HTT: variants seen among roughly 807,000 people sequenced by gnomAD.
HTT encodes the protein huntingtin, also known as huntington disease protein.
HTT carries 104 observed loss-of-function variants against 362.3 expected under a neutral mutation model. The observed-to-expected ratio is 0.29, with a 90% CI of 0.24 to 0.34. The LOEUF (loss-of-function observed/expected upper bound fraction) is 0.34. HTT is among the 10% of genes least tolerant of loss of function. The pLI, the probability that HTT is intolerant of heterozygous loss-of-function variation, is 1.00. For missense variants in HTT, 3,301 were observed against 3,928.6 expected, an observed-to-expected ratio of 0.84 and a Z score of 4.27; for synonymous variants, 1,577 against 1,548.7, an observed-to-expected ratio of 1.02 and a Z score of -0.43.
At chr4:3,194,660 G>A (rs569232202) in intron 40 of HTT, among the ~76,000 whole-genome samples, 7 of 152,310 alleles carry the variant, frequency 4.6e-5, no homozygotes, top group African/African-American at 1.7e-4. Flanking sequence ...GGTCGTGGGT[G>A]GTGGAGATGT....
chr4:3,203,841 A>G (rs144344041), intron 41 of HTT, among the ~76,000 whole-genome samples, 166 bp from the exon 42 acceptor site: 73 of 152,338 alleles, frequency 4.8e-4, no homozygotes, highest in Middle Eastern at 6.8e-3. Context: ...TAGCTTAGGA[A>G]TAGATAACTG....
intron 28 of HTT, among the ~76,000 whole-genome samples, chr4:3,158,009 T>C (rs535986818): frequency 2.3e-4 from 35 of 152,162 alleles, no homozygotes; most frequent in African/African-American, 7.2e-4. Context: ...TTTTTTCTTT[T>C]TTAGACAGAG....
chr4:3,156,984 T>G, intron 27 of HTT, 88 bp from the exon 28 acceptor site: 1 of 1,122,272 alleles, frequency 8.9e-7, no homozygotes, highest in African/African-American at 1.6e-5. Flanking sequence ...TAGAATACTT[T>G]AAAAAATCAT....
chr4:3,145,274 T>A, intron 24 of HTT, 46 bp downstream of exon 24: 1 of 1,288,616 alleles, frequency 7.8e-7, no homozygotes, highest in Non-Finnish European at 1.1e-6. Flanking sequence ...TACAACAGTA[T>A]GACATAAACA....
rs1020860279 is a variant in HTT at position 3,210,096 on chromosome 4, A to C, written c.6414+147A>C. ...AGGGACGGGATGTCGGAGAGACTCCACTCTGAATGGGGCCGGGAAGTGGGG... is the reference window on the plus strand; with the variant it reads ...AGGGACGGGATGTCGGAGAGACTCCCCTCTGAATGGGGCCGGGAAGTGGGG... On this transcript the variant is annotated intron_variant, in intron 47 of 66. Coordinates refer to ENST00000355072, the MANE Select transcript of HTT (RefSeq NM_001388492.1). 5.1e-6 allele frequency: 5 copies of C among 981,694 alleles called. No individual in the cohort carries two copies. In the African/African-American group the frequency reaches 6.4e-5, roughly 13 times the overall value. The allele number at this position is 981,694 out of a possible 1,614,324, so 60.8% of individuals were successfully genotyped here.
intron 52 of HTT, among the ~76,000 whole-genome samples, chr4:3,219,112 C>G (rs954396427): frequency 1.3e-5 from 2 of 152,190 alleles, no homozygotes; most frequent in African/African-American, 4.8e-5. Context: ...GAAGCAGTTG[C>G]AGAACAGGGA....
At chr4:3,209,970 G>T in intron 47 of HTT, 21 bp downstream of exon 47, 1 of 1,611,638 alleles carries the variant, frequency 6.2e-7, no homozygotes, top group Non-Finnish European at 8.5e-7. Context: ...AGCAGTGGAG[G>T]CAAGGAATCC....
Position 3,074,918 on chromosome 4 carries a change from G to GCAA in HTT, c.95_96insACA (p.Gln38dup). ...AGCAGCAGCAGCAGCAGCAGCAGCA[G>GCAA]CAGCAGCAGCAGCAGCAACAGCCGC... On this transcript the variant is annotated inframe_insertion, in exon 1 of 67. Coordinates refer to ENST00000355072, the MANE Select transcript of HTT (RefSeq NM_001388492.1). 1 of 1,485,662 alleles carries GCAA rather than the reference G, an allele frequency of 6.7e-7. No homozygotes were observed. Among genetic ancestry groups the GCAA allele is most frequent in the East Asian group, 2.7e-5 (1 of 36,704 alleles). The allele number at this position is 1,485,662 out of a possible 1,614,324, so 92.0% of individuals were successfully genotyped here.
In HTT at chr4:3,212,673, G is replaced by A. The variant is rs1720219742; in HGVS notation, c.6738G>A (p.Glu2246=). 3.1e-6 allele frequency: 5 copies of A among 1,614,120 alleles called. No individual in the cohort carries two copies. The highest frequency in any genetic ancestry group is 4.2e-6 in the Non-Finnish European group (5 of 1,180,046). The stretch of plus-strand genomic sequence containing the variant: ...ATTTGCACCTTCCTCCTGAGAAAGA[G>A]AAGGACATTGTGAAATTCGTGGTGG... ...PSHLHLPPEK[E]KDIVKFVVAT... The change falls in exon 49 of 67, where the codon GAG becomes GAA. Residue 2246 remains glutamate (E), a synonymous_variant. Coordinates refer to ENST00000355072, the MANE Select transcript of HTT (RefSeq NM_001388492.1).
intron 9 of HTT, 59 bp downstream of exon 9, chr4:3,121,491 C>T (rs535844810): frequency 3.4e-6 from 4 of 1,180,520 alleles, no homozygotes; most frequent in Non-Finnish European, 5.0e-6. Context: ...TAGTTACACT[C>T]TATTGATTAT....
chr4:3,241,839 A>G lies in HTT; in HGVS notation c.*1780A>G, dbSNP rs1329223680. On this transcript the variant is annotated 3_prime_UTR_variant, in exon 67 of 67. Coordinates refer to ENST00000355072, the MANE Select transcript of HTT (RefSeq NM_001388492.1). ...CTCCCAACAGAGGCCTCCCCCAGCC[A>G]GGACCACCTCGTCCTCGTGGCGGGG... The G allele has an allele frequency of 6.6e-6, 1 of 152,224 alleles. No individual in the cohort carries two copies. The highest frequency in any genetic ancestry group is 6.5e-5 in the Admixed American group (1 of 15,282). The allele number at this position is 152,224 out of a possible 1,614,324, so 9.4% of individuals were successfully genotyped here.
At chr4:3,177,058 T>C (rs1015040307) in intron 33 of HTT, among the ~76,000 whole-genome samples, 41 of 152,172 alleles carry the variant, frequency 2.7e-4, no homozygotes, top group Non-Finnish European at 5.4e-4. Context: ...GTCCCCAAGG[T>C]GTAATTTTGG....
At chr4:3,169,791 C>G (rs1463840011) in intron 29 of HTT, among the ~76,000 whole-genome samples, 2 of 152,198 alleles carry the variant, frequency 1.3e-5, no homozygotes, top group Non-Finnish European at 2.9e-5. Flanking sequence ...CCAAACTGGC[C>G]TTGAACTCCT....
At chr4:3,204,809 AAAG>A (rs1218273933) in intron 42 of HTT, among the ~76,000 whole-genome samples, 4 of 152,130 alleles carry the variant, frequency 2.6e-5, no homozygotes, top group Non-Finnish European at 5.9e-5. Flanking sequence ...TCTACCAAAA[AAAG>A]AAAGAGAGGA....
At chr4:3,161,416 T>C (rs1468584150) in intron 29 of HTT, among the ~76,000 whole-genome samples, 1 of 152,246 alleles carries the variant, frequency 6.6e-6, no homozygotes, top group Non-Finnish European at 1.5e-5. Context: ...GAATGATTTA[T>C]AATCCTTTGG....
intron 60 of HTT, among the ~76,000 whole-genome samples, chr4:3,232,218 C>T (rs1721289475): frequency 6.6e-6 from 1 of 152,174 alleles, no homozygotes; most frequent in East Asian, 1.9e-4. Flanking sequence ...AGAACAGCCT[C>T]CTCTTTTGGT....
intron 26 of HTT, among the ~76,000 whole-genome samples, chr4:3,149,294 C>CGTTTTT (rs1224087180): frequency 7.6e-6 from 1 of 130,886 alleles, no homozygotes; most frequent in African/African-American, 2.9e-5. Flanking sequence ...AGTTCACATA[C>CGTTTTT]TTTTTTTTTT....
At chr4:3,220,120 T>A in intron 52 of HTT, 62 bp from the exon 53 acceptor site, 1 of 1,591,874 alleles carries the variant, frequency 6.3e-7, no homozygotes, top group South Asian at 1.1e-5. Flanking sequence ...GCTTCCTGCT[T>A]CCTCACAGTA....
chr4:3,219,026 G>C (rs1720551197), intron 52 of HTT, among the ~76,000 whole-genome samples: 1 of 152,228 alleles, frequency 6.6e-6, no homozygotes, highest in Non-Finnish European at 1.5e-5. Context: ...GAGAGATAAG[G>C]ATTCTGCCGC....
Sources: gnomAD v4.1 joint callset for allele counts (sites outside exome capture counted in the v4.1 genomes callset) on GRCh38, gnomAD v4.1.1 for gene constraint, MANE v1.5 for transcripts, NCBI Gene and HGNC (gene_info 2026-07-23, HGNC 2026-07-21) for gene names.